Variants in SLC39A11 observed in about 807,000 individuals in gnomAD.
The protein encoded by SLC39A11 is zinc transporter ZIP11.
SLC39A11 carries 33 observed loss-of-function variants against 36.1 expected under a neutral mutation model. The ratio of observed to expected loss-of-function variants is 0.91; its 90% confidence interval spans 0.69 to 1.22. SLC39A11 has a LOEUF of 1.22. Ranked by LOEUF, SLC39A11 falls within the 50% of genes most tolerant of loss-of-function variation. SLC39A11 has a pLI of 0.00. For missense variants in SLC39A11, 432 were observed against 430.3 expected (o/e 1.00, Z -0.03); for synonymous variants, 166 against 170.3 (o/e 0.97, Z 0.20).
intron 5 of SLC39A11, 66 bp from the exon 6 acceptor site, chr17:72,849,870 C>G: frequency 7.2e-7 from 1 of 1,398,542 alleles, no homozygotes; most frequent in Non-Finnish European, 9.5e-7. Flanking sequence ...CACGTTAACT[C>G]TCCAGCAAGC....
At chr17:72,746,023 G>A (rs1211086053) in intron 6 of SLC39A11, among the ~76,000 whole-genome samples, 1 of 152,150 alleles carries the variant, frequency 6.6e-6, no homozygotes, top group African/African-American at 2.4e-5. Flanking sequence ...TTAGGCAAGA[G>A]GCAAAACTAT....
intron 3 of SLC39A11, among the ~76,000 whole-genome samples, chr17:73,034,386 C>G (rs1271747073): frequency 6.6e-6 from 1 of 152,162 alleles, no homozygotes; most frequent in African/African-American, 2.4e-5. Flanking sequence ...CCACACCTGG[C>G]TAATTTTGTA....
At chr17:72,943,181 C>T (rs912869288) in intron 5 of SLC39A11, among the ~76,000 whole-genome samples, 1 of 152,142 alleles carries the variant, frequency 6.6e-6, no homozygotes, top group Non-Finnish European at 1.5e-5. Context: ...ACAGGACAAG[C>T]CCTGGGGTTG....
chr17:72,900,977 C>A (rs201665152), intron 5 of SLC39A11, among the ~76,000 whole-genome samples: 3 of 148,900 alleles, frequency 2.0e-5, no homozygotes, highest in Non-Finnish European at 4.5e-5. Flanking sequence ...AACAAACAAA[C>A]AACAAAAAAA....
intron 5 of SLC39A11, among the ~76,000 whole-genome samples, chr17:72,923,602 T>A (rs1216916105): frequency 6.6e-6 from 1 of 152,184 alleles, no homozygotes; most frequent in Non-Finnish European, 1.5e-5. Context: ...ACTGCCCCTG[T>A]GATCACTTCG....
rs568591139 is a variant in SLC39A11, at chr17:72,850,149, C to T, written c.431-345G>A. Among the ~76,000 whole-genome samples, 7 of 152,284 alleles carry T rather than the reference C, an allele frequency of 4.6e-5. No individual in the cohort carries two copies. In the East Asian group the frequency reaches 1.4e-3, roughly 29 times the overall value. On this transcript the variant is annotated intron_variant, in intron 5 of 9. Coordinates refer to ENST00000255559, the MANE Select transcript of SLC39A11 (RefSeq NM_139177.4). ...TTCACTCAGGCATCCATTCATTCAG[C>T]GAACAATTCATTGACTAGGCTGAGC...
chr17:72,913,235 G>A (rs1567941338), intron 5 of SLC39A11, among the ~76,000 whole-genome samples: 1 of 151,972 alleles, frequency 6.6e-6, no homozygotes, highest in Non-Finnish European at 1.5e-5. Flanking sequence ...GGAAGCCTTG[G>A]GCATCTTTAT....
At position 72,771,103 on chromosome 17, in the gene SLC39A11, G is replaced by A. The variant is rs112290445; in HGVS notation, c.602-34384C>T. On this transcript the variant is annotated intron_variant, in intron 6 of 9. Coordinates refer to ENST00000255559, the MANE Select transcript of SLC39A11 (RefSeq NM_139177.4). Reference sequence around the variant, plus strand: ...GTGTTGCTTATTTAAAAAAAATCCTGGCCAGGTGCAGCGGCTCACGCCTCT... The same window carrying A: ...GTGTTGCTTATTTAAAAAAAATCCTAGCCAGGTGCAGCGGCTCACGCCTCT... Among the ~76,000 whole-genome samples, 18 of 150,756 alleles carry A rather than the reference G, an allele frequency of 1.2e-4. 1 individual carries two copies. The highest frequency in any genetic ancestry group is 4.2e-4 in the African/African-American group (17 of 40,914).
At chr17:72,819,404 G>A (rs563807013) in intron 6 of SLC39A11, among the ~76,000 whole-genome samples, 4 of 151,458 alleles carry the variant, frequency 2.6e-5, no homozygotes, top group South Asian at 4.2e-4. Flanking sequence ...CTCCAGAACT[G>A]TGTGAGAATC....
At chr17:73,019,841 T>C (rs2058284939) in intron 4 of SLC39A11, among the ~76,000 whole-genome samples, 1 of 151,968 alleles carries the variant, frequency 6.6e-6, no homozygotes, top group Non-Finnish European at 1.5e-5. Context: ...TTGGACTAGA[T>C]GAAAAAGTAA....
In SLC39A11 at chr17:72,854,760, C is replaced by G. The variant is rs143542926; in HGVS notation, c.431-4956G>C. The stretch of plus-strand genomic sequence containing the variant: ...GCTCAGCCTCTCATCCTTCCCACTC[C>G]ATCTTTCCTGGAAAAGAACCACAGT... On this transcript the variant is annotated intron_variant, in intron 5 of 9. Transcript: ENST00000255559. Among the ~76,000 whole-genome samples, 386 of 152,298 alleles carry G rather than the reference C, an allele frequency of 2.5e-3. 1 individual carries two copies. The highest frequency in any genetic ancestry group is 8.7e-3 in the African/African-American group (360 of 41,562).
At chr17:73,063,287 C>T (rs1031047183) in intron 3 of SLC39A11, among the ~76,000 whole-genome samples, 1 of 149,768 alleles carries the variant, frequency 6.7e-6, no homozygotes, top group African/African-American at 2.5e-5. Flanking sequence ...TAATGGCAAT[C>T]AGATCCATTC....
At chr17:73,074,408 C>T (rs2060256190) in intron 3 of SLC39A11, among the ~76,000 whole-genome samples, 1 of 151,438 alleles carries the variant, frequency 6.6e-6, no homozygotes, top group African/African-American at 2.4e-5. Flanking sequence ...AGCAATTCTC[C>T]TGCCTCAGCC....
chr17:72,780,111 C>T (rs1178067876), intron 6 of SLC39A11, among the ~76,000 whole-genome samples: 1 of 152,128 alleles, frequency 6.6e-6, no homozygotes, highest in African/African-American at 2.4e-5. Flanking sequence ...GAACTAAGCC[C>T]TTCTTTTTCT....
At chr17:72,676,102 A>ACACACT (rs869131230) in intron 7 of SLC39A11, among the ~76,000 whole-genome samples, 22,132 of 150,858 alleles carry the variant, frequency 0.15, 1,903 homozygotes, top group Middle Eastern at 0.21. Context: ...ACACACACAC[A>ACACACT]CTTGCTGTAT....
At chr17:72,659,765 A>AC (rs1555629869) in intron 7 of SLC39A11, among the ~76,000 whole-genome samples, 1 of 151,146 alleles carries the variant, frequency 6.6e-6, no homozygotes, top group Admixed American at 6.6e-5. Context: ...ATTTTATTTT[A>AC]TTTTTTTGTA....
At position 72,791,310 on chromosome 17, in the gene SLC39A11, C is replaced by T. The variant is rs375695352; in HGVS notation, c.602-54591G>A. Among the ~76,000 whole-genome samples, 19 of 152,186 alleles carry T rather than the reference C, an allele frequency of 1.2e-4. No individual in the cohort carries two copies. In the East Asian group the frequency reaches 2.9e-3, roughly 23 times the overall value. On this transcript the variant is annotated intron_variant, in intron 6 of 9. Coordinates refer to ENST00000255559, the MANE Select transcript of SLC39A11 (RefSeq NM_139177.4). ...TCTCTACAAAAATACAAAAATTAGC[C>T]GAGCGTGGTGGTGCACACCATGTCC...
At chr17:72,915,257 A>G (rs2083267050) in intron 5 of SLC39A11, among the ~76,000 whole-genome samples, 1 of 152,064 alleles carries the variant, frequency 6.6e-6, no homozygotes, top group African/African-American at 2.4e-5. Flanking sequence ...TCACACCGGG[A>G]CACTATTTCT....
chr17:72,854,961 C>T (rs1027458828), intron 5 of SLC39A11, among the ~76,000 whole-genome samples: 4 of 152,270 alleles, frequency 2.6e-5, no homozygotes, highest in South Asian at 4.1e-4. Flanking sequence ...AAAGCAGACA[C>T]GGGTCTTGCG....
Sources: allele counts gnomAD v4.1 joint callset (sites outside exome capture counted in the v4.1 genomes callset), GRCh38; gene constraint gnomAD v4.1.1; transcripts MANE v1.5; gene names NCBI Gene and HGNC (gene_info 2026-07-23, HGNC 2026-07-21).